Variants in RBFOX1 observed in about 807,000 individuals in gnomAD.
RBFOX1 encodes RNA binding protein fox-1 homolog 1.
Under a neutral mutation model 57.7 loss-of-function variants are expected in RBFOX1, and 8 were observed. That is an observed-to-expected ratio of 0.14 (90% CI 0.08 to 0.25). The LOEUF (loss-of-function observed/expected upper bound fraction) is 0.25. Among genes scored for constraint, RBFOX1 ranks in the 10% least tolerant of loss-of-function variants. The pLI is 1.00. For missense variants in RBFOX1, 611 were observed against 548.5 expected, an observed-to-expected ratio of 1.11 and a Z score of -1.14; for synonymous variants, 326 against 222.4, an observed-to-expected ratio of 1.47 and a Z score of -4.15.
chr16:6,747,387 A>G (rs1167017117), intron 3 of RBFOX1, among the ~76,000 whole-genome samples: 1 of 151,192 alleles, frequency 6.6e-6, no homozygotes, highest in Non-Finnish European at 1.5e-5. Context: ...AGACTGGGCG[A>G]CAGAGTGAGA....
intron 4 of RBFOX1, among the ~76,000 whole-genome samples, chr16:5,962,048 G>T (rs1026170405): frequency 6.6e-6 from 1 of 152,112 alleles, no homozygotes; most frequent in African/African-American, 2.4e-5. Flanking sequence ...CTGTTCTCGT[G>T]GTACAAAATA....
chr16:5,338,623 G>A (rs1342117708), intron 1 of RBFOX1, among the ~76,000 whole-genome samples: 1 of 152,142 alleles, frequency 6.6e-6, no homozygotes, highest in East Asian at 1.9e-4. Flanking sequence ...TTTAAGGTTG[G>A]AAAAGATTTT....
chr16:7,435,883 T>C (rs1171851970), intron 4 of RBFOX1, among the ~76,000 whole-genome samples: 5 of 152,218 alleles, frequency 3.3e-5, no homozygotes, highest in East Asian at 3.8e-4. Context: ...GGTATGTGTG[T>C]GTGTGTTTTC....
chr16:7,379,587 A>G (rs971099197), intron 4 of RBFOX1, among the ~76,000 whole-genome samples: 2 of 152,178 alleles, frequency 1.3e-5, no homozygotes, highest in South Asian at 2.1e-4. Flanking sequence ...ATAGACAATA[A>G]AGAAACTCAA....
chr16:6,813,260 G>A (rs895871606), intron 3 of RBFOX1, among the ~76,000 whole-genome samples: 2 of 152,116 alleles, frequency 1.3e-5, no homozygotes, highest in South Asian at 2.1e-4. Context: ...TAGTATTCCA[G>A]TTCTTTCTGG....
At chr16:6,695,146 G>A (rs1396912918) in intron 3 of RBFOX1, among the ~76,000 whole-genome samples, 3 of 152,086 alleles carry the variant, frequency 2.0e-5, no homozygotes, top group Admixed American at 6.6e-5. Context: ...ATGGCCGGGC[G>A]CAGTAGCTCA....
chr16:5,979,088 C>G (rs889398690), intron 4 of RBFOX1, among the ~76,000 whole-genome samples: 3 of 152,214 alleles, frequency 2.0e-5, no homozygotes, highest in Non-Finnish European at 4.4e-5. Context: ...ATGAGTGTTC[C>G]TTAAATGAGA....
At chr16:5,588,876 G>A (rs1596357347) in intron 2 of RBFOX1, among the ~76,000 whole-genome samples, 1 of 152,190 alleles carries the variant, frequency 6.6e-6, no homozygotes, top group Non-Finnish European at 1.5e-5. Context: ...GTATTTTACA[G>A]GTTGAGAGGT....
intron 3 of RBFOX1, among the ~76,000 whole-genome samples, chr16:6,756,934 C>T (rs1017177296): frequency 1.3e-5 from 2 of 152,106 alleles, no homozygotes; most frequent in African/African-American, 4.8e-5. Flanking sequence ...GAGATCGTGC[C>T]ATTGCACTCC....
chr16:5,267,273 C>A (rs2062882577), intron 1 of RBFOX1, among the ~76,000 whole-genome samples: 1 of 150,416 alleles, frequency 6.6e-6, no homozygotes, highest in South Asian at 2.1e-4. Context: ...AACATTAATT[C>A]TGTTACAAGG....
intron 1 of RBFOX1, chr16:5,289,079 C>G (rs180725213): frequency 6.2e-6 from 1 of 162,484 alleles, no homozygotes; most frequent in Non-Finnish European, 1.3e-5. Context: ...GAGCTGAGAT[C>G]GTGCCACTGC....
Position 7,396,588 on chromosome 16 carries a change from G to T in RBFOX1, c.28-121559G>T, listed in dbSNP as rs571493115. On this transcript the variant is annotated intron_variant, in intron 4 of 15. Coordinates refer to ENST00000550418, the MANE Select transcript of RBFOX1 (RefSeq NM_018723.4). ...CATTCTGGACTTAACGTTACTTTAA[G>T]CTCAGTTTGTACCTTTCCTTGGTTC... Among the ~76,000 whole-genome samples the T allele has an allele frequency of 4.6e-5, 7 of 152,246 alleles. No individual in the cohort carries two copies. The East Asian group carries it at 1.4e-3, about 29-fold the overall frequency.
intron 11 of RBFOX1, among the ~76,000 whole-genome samples, chr16:7,651,121 G>A (rs187989671): frequency 1.3e-5 from 2 of 152,120 alleles, no homozygotes; most frequent in East Asian, 1.9e-4. Flanking sequence ...ATAGAAAGAC[G>A]GAATCATTCT....
At chr16:7,699,694 GAC>G (rs1401995385) in intron 14 of RBFOX1, among the ~76,000 whole-genome samples, 1 of 151,958 alleles carries the variant, frequency 6.6e-6, no homozygotes, top group Non-Finnish European at 1.5e-5. Flanking sequence ...TTGTAGTGAT[GAC>G]AGTTTGAATA....
intron 3 of RBFOX1, among the ~76,000 whole-genome samples, chr16:5,675,211 T>TACGC (rs1370074277): frequency 6.6e-6 from 1 of 151,324 alleles, no homozygotes; most frequent in Non-Finnish European, 1.5e-5. Flanking sequence ...CACATGCATG[T>TACGC]ACTCACGCAC....
At chr16:7,168,685 C>T (rs997936045) in intron 4 of RBFOX1, among the ~76,000 whole-genome samples, 9 of 152,100 alleles carry the variant, frequency 5.9e-5, no homozygotes, top group African/African-American at 1.9e-4. Flanking sequence ...ACTTCCTTTC[C>T]TTCCTGTTAC....
chr16:6,656,739 G>C (rs1375639151), intron 3 of RBFOX1, among the ~76,000 whole-genome samples: 1 of 151,976 alleles, frequency 6.6e-6, no homozygotes, highest in Non-Finnish European at 1.5e-5. Flanking sequence ...ATGACTGATA[G>C]ATAAATTTCT....
At chr16:5,707,681 C>G (rs1191281469) in intron 3 of RBFOX1, among the ~76,000 whole-genome samples, 1 of 152,168 alleles carries the variant, frequency 6.6e-6, no homozygotes, top group Non-Finnish European at 1.5e-5. Context: ...TGTTTGGAAA[C>G]CTTAACTTCT....
At chr16:5,296,212 A>T (rs973879974) in intron 1 of RBFOX1, among the ~76,000 whole-genome samples, 12 of 151,846 alleles carry the variant, frequency 7.9e-5, no homozygotes, top group African/African-American at 2.4e-4. Flanking sequence ...GGGCATTCAG[A>T]CTCGGTGTAG....
Sources: gnomAD v4.1 joint callset for allele counts (sites outside exome capture counted in the v4.1 genomes callset) on GRCh38, gnomAD v4.1.1 for gene constraint, MANE v1.5 for transcripts, NCBI Gene and HGNC (gene_info 2026-07-23, HGNC 2026-07-21) for gene names.